Variants in ACOX3 observed in about 807,000 individuals in gnomAD.
ACOX3 encodes the protein peroxisomal acyl-coenzyme A oxidase 3.
In ACOX3, 73 loss-of-function variants were observed where a neutral mutation model predicts 81.5. The ratio of observed to expected loss-of-function variants is 0.90; its 90% CI spans 0.74 to 1.09. ACOX3 has a LOEUF of 1.09. ACOX3 is among the 50% of genes least tolerant of loss of function. ACOX3 has a pLI of 0.00. For missense variants in ACOX3, 947 were observed against 928.0 expected (o/e 1.02, Z -0.27); for synonymous variants, 387 against 375.1 (o/e 1.03, Z -0.37).
chr4:8,417,503 T>C (rs745770485), intron 1 of ACOX3, among the ~76,000 whole-genome samples: 2 of 152,194 alleles, frequency 1.3e-5, no homozygotes, highest in Admixed American at 6.5e-5. Context: ...CCATGAAAGA[T>C]GGAGAAACGG....
chr4:8,357,759 C>T, the ACOX3 span: 23 of 189,328 alleles, frequency 1.2e-4, no homozygotes, highest in African/African-American at 3.7e-4. Flanking sequence ...CCTTGCAGTG[C>T]GTGGCCTGGA....
At position 8,406,233 on chromosome 4, in the gene ACOX3, T is replaced by C. The variant is rs915724899; in HGVS notation, c.688-190A>G. Among the ~76,000 whole-genome samples the C allele has an allele frequency of 3.3e-5, 5 of 152,088 alleles. No homozygotes were observed. Among genetic ancestry groups the C allele is most frequent in the Admixed American group, 1.3e-4 (2 of 15,280 alleles). On this transcript the variant is annotated intron_variant, in intron 6 of 17. Transcript: ENST00000356406. This position sits in a 1 kb window ranked among gnomAD's most constrained non-coding sequence, Gnocchi z 5.6. ...CTGGGAATGGAAGCTTATTTGGAAA[T>C]AGGGTCCTGCAGATATAATGAATTT...
At chr4:8,357,876 C>T in the ACOX3 span, 5 of 158,128 alleles carry the variant, frequency 3.2e-5, no homozygotes, top group Admixed American at 2.4e-4. Context: ...AGTCCCCCAG[C>T]CAACTGAGTG....
chr4:8,383,885 T>C (rs886458949), intron 13 of ACOX3, among the ~76,000 whole-genome samples: 1 of 152,168 alleles, frequency 6.6e-6, no homozygotes, highest in Non-Finnish European at 1.5e-5. Flanking sequence ...CGCCGTACAG[T>C]TGTGCTTCCC....
At chr4:8,377,204 C>G (rs1717077384) in intron 14 of ACOX3, among the ~76,000 whole-genome samples, 1 of 152,202 alleles carries the variant, frequency 6.6e-6, no homozygotes, top group Admixed American at 6.5e-5. Context: ...CCAGCAGGGC[C>G]CAGGCACAGA....
chr4:8,365,906 T>G (rs961439732), downstream of ACOX3, among the ~76,000 whole-genome samples: 8 of 152,220 alleles, frequency 5.3e-5, no homozygotes, highest in African/African-American at 1.7e-4. Context: ...CTGGTCTTAT[T>G]TGGTTCGGCA....
rs967538101 is a variant in ACOX3 at position 8,382,870 on chromosome 4, T to C, written c.1538-1263A>G. Among the ~76,000 whole-genome samples, 1 of 151,578 alleles carries C rather than the reference T, an allele frequency of 6.6e-6. No individual in the cohort carries two copies. The highest frequency in any genetic ancestry group is 1.5e-5 in the Non-Finnish European group (1 of 67,928). On this transcript the variant is annotated intron_variant, in intron 13 of 17. Coordinates refer to ENST00000356406, the MANE Select transcript of ACOX3 (RefSeq NM_003501.3). The surrounding 1 kb of genome is among the most constrained non-coding windows in gnomAD (Gnocchi z 4.1). ...AGCCGGGCGCAGTGGCAGGCGCCTG[T>C]AGTCCCAGCTACTCGGGAGGCTGAG... is the stretch of plus-strand genomic sequence containing the variant.
At chr4:8,357,308 G>A in the ACOX3 span, 2 of 453,674 alleles carry the variant, frequency 4.4e-6, no homozygotes, top group Non-Finnish European at 8.9e-6. Flanking sequence ...CTCTGGGGCA[G>A]GGGCAAATCA....
chr4:8,397,883 G>C (rs567575134), intron 8 of ACOX3, among the ~76,000 whole-genome samples: 1 of 152,250 alleles, frequency 6.6e-6, no homozygotes, highest in East Asian at 1.9e-4. Context: ...TATTTAAGCC[G>C]GGTGCGGCGG....
Position 8,385,676 on chromosome 4 carries a change from G to A in ACOX3, c.1537+3497C>T, listed in dbSNP as rs1211549679. The stretch of plus-strand genomic sequence containing the variant: ...TCAGAATCGAACCCCTGAAGGACCC[G>A]CCATTGGCTTGGCAAATCCTCCACC... On this transcript the variant is annotated intron_variant, in intron 13 of 17. Coordinates refer to ENST00000356406, the MANE Select transcript of ACOX3 (RefSeq NM_003501.3). The surrounding 1 kb of genome is among the most constrained non-coding windows in gnomAD (Gnocchi z 5.5). Among the ~76,000 whole-genome samples, 2 of 152,188 alleles carry A rather than the reference G, an allele frequency of 1.3e-5. No individual in the cohort carries two copies. Among genetic ancestry groups the A allele is most frequent in the Admixed American group, 1.3e-4 (2 of 15,282 alleles).
the ACOX3 span, among the ~76,000 whole-genome samples, chr4:8,360,409 T>A: frequency 6.6e-6 from 1 of 152,066 alleles, no homozygotes; most frequent in East Asian, 1.9e-4. Context: ...ACATTTGGTC[T>A]AAATTATGCA....
At chr4:8,417,339 G>C (rs1351873101) in intron 1 of ACOX3, among the ~76,000 whole-genome samples, 2 of 152,266 alleles carry the variant, frequency 1.3e-5, no homozygotes, top group African/African-American at 4.8e-5. Context: ...GCTGGAGCCT[G>C]AGTCTGGCCG....
chr4:8,413,136 C>A (rs1721930115), intron 5 of ACOX3, among the ~76,000 whole-genome samples: 2 of 148,878 alleles, frequency 1.3e-5, no homozygotes, highest in African/African-American at 5.0e-5. Context: ...CCCCTGCGCC[C>A]CTCCACAGCA....
At chr4:8,429,097 C>G (rs1318648799) in intron 1 of ACOX3, among the ~76,000 whole-genome samples, 1 of 152,154 alleles carries the variant, frequency 6.6e-6, no homozygotes, top group African/African-American at 2.4e-5. Context: ...TTTCAATTAC[C>G]TGCACCCAAA....
At position 8,370,912 on chromosome 4, in the gene ACOX3, C is replaced by T; in HGVS notation, c.1979G>A (p.Gly660Asp). The T allele has an allele frequency of 6.8e-6, 11 of 1,613,826 alleles. No individual in the cohort carries two copies. Among genetic ancestry groups the T allele is most frequent in the Non-Finnish European group, 8.5e-6 (10 of 1,179,968 alleles). Reference sequence around the variant, plus strand: ...GAGGCCCTGTCCTCCCTTTACCTCGCCGTCGGCTCTGCCAATCGGTGAGTC... The same window carrying T: ...GAGGCCCTGTCCTCCCTTTACCTCGTCGTCGGCTCTGCCAATCGGTGAGTC... Reference protein sequence around the residue: ...VLDSPIGRADGELYKNLWGAV... With the variant: ...VLDSPIGRADDELYKNLWGAV... The change falls in exon 17 of 18, where the codon GGC (glycine) becomes GAC (aspartate). Residue 660 changes from glycine (G) to aspartate (D), a missense_variant. Physicochemically the swap from Gly to Asp is moderately conservative, Grantham distance 94. Transcript: ENST00000356406. This position sits in a 1 kb window ranked among gnomAD's most constrained non-coding sequence, Gnocchi z 6.3.
Position 8,370,976 on chromosome 4 carries a change from C to T in ACOX3, c.1915G>A (p.Ala639Thr). 2 of 1,614,128 alleles carry T rather than the reference C, an allele frequency of 1.2e-6. No individual in the cohort carries two copies. The highest frequency in any genetic ancestry group is 1.7e-6 in the Non-Finnish European group (2 of 1,180,022). The change falls in exon 17 of 18, where the codon GCC becomes ACC. Residue 639 changes from alanine (A) to threonine (T), a missense_variant. Physicochemically the swap from Ala to Thr is moderately conservative, Grantham distance 58. Transcript: ENST00000356406. The surrounding 1 kb of genome is among the most constrained non-coding windows in gnomAD (Gnocchi z 6.3). ...GGAGGAGCGATCACGTCTACCAGGG[C>T]AACTGCATCGTCTTTCAGCTGTTGG... ...LCSQLKDDAV[A>T]LVDVIAPPDF...
chr4:8,409,459 C>A (rs1455864315), intron 6 of ACOX3, among the ~76,000 whole-genome samples: 4 of 139,998 alleles, frequency 2.9e-5, no homozygotes, highest in Non-Finnish European at 6.3e-5. Context: ...ATACCATAGG[C>A]GGGGCTGTCT....
At position 8,431,833 on chromosome 4, in the gene ACOX3, T is replaced by G. The variant is rs916523337; in HGVS notation, c.-15+8815A>C. ...CGATTCCCTGCTCAGTTTTAGACCTTGGTGCTATTGACTGTCATTGGCCAT... is the reference window on the plus strand; with the variant it reads ...CGATTCCCTGCTCAGTTTTAGACCTGGGTGCTATTGACTGTCATTGGCCAT... On this transcript the variant is annotated intron_variant, in intron 1 of 17. Coordinates refer to ENST00000356406, the MANE Select transcript of ACOX3 (RefSeq NM_003501.3). The surrounding 1 kb of genome is among the most constrained non-coding windows in gnomAD (Gnocchi z 5.3). Among the ~76,000 whole-genome samples, 2 of 152,260 alleles carry G rather than the reference T, an allele frequency of 1.3e-5. No homozygotes were observed. Among genetic ancestry groups the G allele is most frequent in the African/African-American group, 2.4e-5 (1 of 41,468 alleles).
chr4:8,390,117 C>A (rs6447867), intron 11 of ACOX3, among the ~76,000 whole-genome samples: 43,698 of 128,676 alleles, frequency 0.34, 10,255 homozygotes, highest in African/African-American at 0.65. Context: ...ACAACAACAA[C>A]AAAAAAAGCC....
Sources: allele counts gnomAD v4.1 joint callset (sites outside exome capture counted in the v4.1 genomes callset), GRCh38; gene constraint gnomAD v4.1.1; non-coding constraint Gnocchi (gnomAD v3.1); transcripts MANE v1.5; gene names NCBI Gene and HGNC (gene_info 2026-07-23, HGNC 2026-07-21).